Variants in ZBTB41 observed in about 807,000 individuals in gnomAD.
ZBTB41 encodes the protein zinc finger and BTB domain-containing protein 41.
A neutral mutation model predicts 87.6 loss-of-function variants in ZBTB41; 42 were observed. The observed-to-expected ratio is 0.48, with a 90% CI of 0.37 to 0.62. ZBTB41 has a LOEUF of 0.62. Ranked by LOEUF, ZBTB41 falls within the 20% of genes least tolerant of loss-of-function variation. The pLI is 0.00. For missense variants in ZBTB41, 799 were observed against 1,078.9 expected, an observed-to-expected ratio of 0.74 and a Z score of 3.63; for synonymous variants, 364 against 364.0, an observed-to-expected ratio of 1.00 and a Z score of 0.00.
intron 7 of ZBTB41, among the ~76,000 whole-genome samples, chr1:197,177,043 G>C (rs1659625980): frequency 6.6e-6 from 1 of 152,096 alleles, no homozygotes; most frequent in Non-Finnish European, 1.5e-5. Flanking sequence ...AAAGGAATTA[G>C]AATCAGACAA....
chr1:197,167,390 T>C (rs1659374028), intron 10 of ZBTB41, among the ~76,000 whole-genome samples: 1 of 152,072 alleles, frequency 6.6e-6, no homozygotes, highest in African/African-American at 2.4e-5. Flanking sequence ...AGAAGGGGTT[T>C]TGCCATGTTT....
At chr1:197,177,910 C>T (rs896557966) in intron 7 of ZBTB41, among the ~76,000 whole-genome samples, 7 of 152,062 alleles carry the variant, frequency 4.6e-5, no homozygotes, top group Admixed American at 1.3e-4. Context: ...ATTGTACACA[C>T]ATTTCAGAAG....
chr1:197,178,464 G>A lies in ZBTB41; in HGVS notation c.1725C>T (p.His575=). The A allele has an allele frequency of 6.2e-7, 1 of 1,608,380 alleles. No individual in the cohort carries two copies. The highest frequency in any genetic ancestry group is 8.5e-7 in the Non-Finnish European group (1 of 1,177,210). ...AACTTTGCCCACAAATACTACAAAG[G>A]TGAGGCTTTTCTCCACTGTGGATTC... is the stretch of plus-strand genomic sequence containing the variant. ...HLRIHSGEKP[H]LCSICGQSFR... Residue 575 remains histidine, a synonymous_variant, in exon 7 of 11, where the codon CAC becomes CAT. Transcript: ENST00000367405.
In ZBTB41 at chr1:197,153,839, TCACAAGATATTTTA is replaced by T. The variant is rs1659000382; in HGVS notation, c.*5506_*5519del. On this transcript the variant is annotated 3_prime_UTR_variant, in exon 11 of 11. Coordinates refer to ENST00000367405, the MANE Select transcript of ZBTB41 (RefSeq NM_194314.3). ...CAGACAACCAAAGTATGTATAAAAC[TCACAAGATATTTTA>T]CACACAGTTCACAATAATTAATTCT... The T allele has an allele frequency of 6.6e-6, 1 of 152,186 alleles. No homozygotes were observed. The highest frequency in any genetic ancestry group is 1.5e-5 in the Non-Finnish European group (1 of 68,006). 9.4% of individuals were successfully genotyped at this position (152,186 alleles called of 1,614,324 possible). A position where few individuals can be genotyped will look rare whatever the true frequency, so the allele number is the denominator to read the frequency against.
intron 2 of ZBTB41, among the ~76,000 whole-genome samples, chr1:197,198,215 A>G (rs1660215680): frequency 6.6e-6 from 1 of 152,192 alleles, no homozygotes; most frequent in Non-Finnish European, 1.5e-5. Context: ...GTTTACACAC[A>G]GCCTCAGTTA....
At chr1:197,174,976 T>C (rs748107741) in intron 9 of ZBTB41, 34 bp downstream of exon 9, 22 of 1,554,428 alleles carry the variant, frequency 1.4e-5, no homozygotes, top group Non-Finnish European at 1.8e-5. Context: ...ACTTAGCCAA[T>C]GTAAACTATG....
chr1:197,196,331 A>G (rs1660161330), intron 2 of ZBTB41, among the ~76,000 whole-genome samples: 1 of 152,134 alleles, frequency 6.6e-6, no homozygotes, highest in Admixed American at 6.5e-5. Flanking sequence ...AGACACATGG[A>G]TCTTCTGCTA....
intron 10 of ZBTB41, among the ~76,000 whole-genome samples, chr1:197,162,431 A>C (rs1659224048): frequency 6.6e-6 from 1 of 152,162 alleles, no homozygotes; most frequent in Non-Finnish European, 1.5e-5. Context: ...TAAGAGCAGA[A>C]GGAAATAAAC....
chr1:197,166,201 A>C (rs1336819725), intron 10 of ZBTB41, among the ~76,000 whole-genome samples: 3 of 152,198 alleles, frequency 2.0e-5, no homozygotes, highest in Non-Finnish European at 4.4e-5. Flanking sequence ...AATAAAAAAA[A>C]AGAAGAAATA....
At chr1:197,182,189 A>C (rs540243270) in intron 5 of ZBTB41, among the ~76,000 whole-genome samples, 1 of 152,320 alleles carries the variant, frequency 6.6e-6, no homozygotes, top group African/African-American at 2.4e-5. Flanking sequence ...ATGTGTGGTT[A>C]GTCAAAGAAT....
intron 4 of ZBTB41, among the ~76,000 whole-genome samples, chr1:197,190,123 G>C (rs1370686557): frequency 6.6e-6 from 1 of 152,084 alleles, no homozygotes; most frequent in African/African-American, 2.4e-5. Context: ...GTTTTGCCAT[G>C]TTGGCCAGAT....
chr1:197,157,243 G>C lies in ZBTB41; in HGVS notation c.*2116C>G, dbSNP rs1369025275. ...AAAGTAAATACCTTCAAAAATCAAA[G>C]TATTCTTTTCAATGTGAAAATGCAG... On this transcript the variant is annotated 3_prime_UTR_variant, in exon 11 of 11. Coordinates refer to ENST00000367405, the MANE Select transcript of ZBTB41 (RefSeq NM_194314.3). The C allele has an allele frequency of 6.6e-6, 1 of 151,818 alleles. No homozygotes were observed. Among genetic ancestry groups the C allele is most frequent in the Non-Finnish European group, 1.5e-5 (1 of 67,604 alleles). 9.4% of individuals were successfully genotyped at this position (151,818 alleles called of 1,614,324 possible).
Position 197,157,003 on chromosome 1 carries a change from G to A in ZBTB41, c.*2356C>T, listed in dbSNP as rs1659081545. ...TTTTTACTATTTCAGGGCTGGTTAT[G>A]AGGTTCAAATGAGATAACATATATG... On this transcript the variant is annotated 3_prime_UTR_variant, in exon 11 of 11. Coordinates refer to ENST00000367405, the MANE Select transcript of ZBTB41 (RefSeq NM_194314.3). The A allele has an allele frequency of 6.6e-6, 1 of 152,074 alleles. No individual in the cohort carries two copies. Among genetic ancestry groups the A allele is most frequent in the Admixed American group, 6.6e-5 (1 of 15,212 alleles). 9.4% of individuals were successfully genotyped at this position (152,074 alleles called of 1,614,324 possible). A position where few individuals can be genotyped will look rare whatever the true frequency, so the allele number is the denominator to read the frequency against.
chr1:197,180,896 CTTA>C (rs940428385), intron 6 of ZBTB41, 89 bp downstream of exon 6: 115 of 1,362,868 alleles, frequency 8.4e-5, no homozygotes, highest in Middle Eastern at 4.4e-4. Context: ...CATTTTGTGT[CTTA>C]TGTTACCCTA....
Position 197,174,619 on chromosome 1 carries a change from G to A in ZBTB41, c.1985+391C>T, listed in dbSNP as rs184001144. 1.7e-4 allele frequency among the ~76,000 whole-genome samples: 26 copies of A among 152,080 alleles called. 1 individual carries two copies. The East Asian group carries it at 3.1e-3, about 18-fold the overall frequency. ...GCTGATGTTCAAGATAGCACACAGC[G>A]CCTTCAAATAAAATAATATTTTAAA... On this transcript the variant is annotated intron_variant, in intron 9 of 10. Coordinates refer to ENST00000367405, the MANE Select transcript of ZBTB41 (RefSeq NM_194314.3).
Position 197,200,397 on chromosome 1 carries a change from T to C in ZBTB41, c.77A>G (p.Asn26Ser), listed in dbSNP as rs1652712534. 1 of 1,613,568 alleles carries C rather than the reference T, an allele frequency of 6.2e-7. No homozygotes were observed. Among genetic ancestry groups the C allele is most frequent in the Non-Finnish European group, 8.5e-7 (1 of 1,179,896 alleles). The stretch of plus-strand genomic sequence containing the variant: ...CACTTGGTCACACTCCACTGCAACA[T>C]TTCCTTCTGAAGAATCTTTATGATA... The part of the protein sequence containing the change: ...LGYHKDSSEG[N>S]VAVECDQVTY... Residue 26 changes from asparagine to serine, a missense_variant, in exon 2 of 11, where the codon AAT (asparagine) becomes AGT (serine). This residue lies in a region of ZBTB41 where 77 missense variants were observed against 68.4 expected (regional missense o/e 1.13). Coordinates refer to ENST00000367405, the MANE Select transcript of ZBTB41 (RefSeq NM_194314.3).
intron 10 of ZBTB41, among the ~76,000 whole-genome samples, 160 bp from the exon 11 acceptor site, chr1:197,160,174 T>G (rs1659164913): frequency 6.6e-6 from 1 of 152,046 alleles, no homozygotes; most frequent in African/African-American, 2.4e-5. Flanking sequence ...AATAAACTGG[T>G]AAAAATAAGA....
At chr1:197,185,687 A>T (rs1659865702) in intron 5 of ZBTB41, among the ~76,000 whole-genome samples, 1 of 152,114 alleles carries the variant, frequency 6.6e-6, no homozygotes, top group African/African-American at 2.4e-5. Flanking sequence ...ACTCCTTTCA[A>T]TTTATATGAC....
intron 5 of ZBTB41, among the ~76,000 whole-genome samples, chr1:197,182,399 C>T (rs569818971): frequency 8.5e-5 from 13 of 152,070 alleles, no homozygotes; most frequent in Admixed American, 1.3e-4. Context: ...TAAACAACCT[C>T]CTGGGCTCAA....
Sources: allele counts gnomAD v4.1 joint callset (sites outside exome capture counted in the v4.1 genomes callset), GRCh38; gene constraint gnomAD v4.1.1; regional missense constraint gnomAD v4.1.1; transcripts MANE v1.5; gene names NCBI Gene and HGNC (gene_info 2026-07-23, HGNC 2026-07-21).